Variants in PLEK observed in about 807,000 individuals in gnomAD.
PLEK encodes the protein pleckstrin, also known as platelet 47 kDa protein.
PLEK carries 25 observed loss-of-function variants against 43.9 expected under a neutral mutation model. The observed-to-expected ratio is 0.57, with a 90% CI of 0.41 to 0.79. The LOEUF (loss-of-function observed/expected upper bound fraction) is 0.79, where lower values mean the gene tolerates loss of function less well. PLEK is among the 30% of genes least tolerant of loss of function. The pLI is 0.00. For missense variants in PLEK, 396 were observed against 413.3 expected (o/e 0.96, Z 0.36); for synonymous variants, 152 against 144.4 (o/e 1.05, Z -0.38).
chr2:68,389,970 AT>A (rs1215895965), intron 6 of PLEK, among the ~76,000 whole-genome samples: 10 of 152,168 alleles, frequency 6.6e-5, no homozygotes, highest in Non-Finnish European at 1.3e-4. Flanking sequence ...GTTATCAGTT[AT>A]TTCTTGAATT....
At chr2:68,389,363 T>C (rs901628461) in intron 6 of PLEK, among the ~76,000 whole-genome samples, 1 of 152,234 alleles carries the variant, frequency 6.6e-6, no homozygotes, top group African/African-American at 2.4e-5. Context: ...CTGCTCAGTA[T>C]ATAATGGAGA....
intron 1 of PLEK, among the ~76,000 whole-genome samples, chr2:68,370,254 C>G (rs147728500): frequency 1.5e-4 from 23 of 152,194 alleles, no homozygotes; most frequent in East Asian, 3.9e-4. Flanking sequence ...AAAAGAGATG[C>G]CTTCACTTTG....
intron 1 of PLEK, among the ~76,000 whole-genome samples, chr2:68,367,829 G>T (rs1361447020): frequency 6.6e-6 from 1 of 152,142 alleles, no homozygotes; most frequent in Non-Finnish European, 1.5e-5. Context: ...TATGGTTTTT[G>T]ATATTAAAGC....
chr2:68,368,556 C>G (rs961413847), intron 1 of PLEK, among the ~76,000 whole-genome samples: 1 of 152,210 alleles, frequency 6.6e-6, no homozygotes, highest in Non-Finnish European at 1.5e-5. Context: ...GAGCAAGGCA[C>G]GAACAAATTG....
chr2:68,368,227 T>C (rs539365376), intron 1 of PLEK, among the ~76,000 whole-genome samples: 1 of 152,350 alleles, frequency 6.6e-6, no homozygotes, highest in South Asian at 2.1e-4. Context: ...GTAACACCCA[T>C]GTCTCTTTGC....
At chr2:68,382,849 T>TTAACATTTGTTCAAGC (rs1422929664) in intron 4 of PLEK, among the ~76,000 whole-genome samples, 1 of 152,208 alleles carries the variant, frequency 6.6e-6, no homozygotes, top group East Asian at 1.9e-4. Context: ...TTTGTTCAAG[T>TTAACATTTGTTCAAGC]TAACATTTGT....
intron 7 of PLEK, 28 bp from the exon 8 acceptor site, chr2:68,394,079 C>T (rs760644332): frequency 6.6e-7 from 1 of 1,511,574 alleles, no homozygotes; most frequent in Non-Finnish European, 9.2e-7. Context: ...ATTTTGGAAA[C>T]ATAATGAACA....
At chr2:68,395,581 A>G in intron 8 of PLEK, 99 bp from the exon 9 acceptor site, 1 of 1,292,878 alleles carries the variant, frequency 7.7e-7, no homozygotes, top group Non-Finnish European at 1.1e-6. Flanking sequence ...TTTCCTTAGA[A>G]CACGAAGAAA....
At chr2:68,377,255 T>G (rs1348494187) in intron 1 of PLEK, among the ~76,000 whole-genome samples, 1 of 152,216 alleles carries the variant, frequency 6.6e-6, no homozygotes, top group Non-Finnish European at 1.5e-5. Context: ...CTCATCCATA[T>G]ACCGATTTCC....
In PLEK at chr2:68,381,181, A is replaced by T. The variant is rs192150854; in HGVS notation, c.380+277A>T. 7.4e-4 allele frequency among the ~76,000 whole-genome samples: 112 copies of T among 152,354 alleles called. 3 individuals carry two copies. The highest frequency in any genetic ancestry group is 5.1e-3 in the Admixed American group (78 of 15,298). On this transcript the variant is annotated intron_variant, in intron 3 of 8. Transcript: ENST00000234313. ...AGAAAGAAACATCATCATTGCATTT[A>T]TAACATAGCCATAATAAGTCAGTCT...
chr2:68,389,991 G>A (rs186374485), intron 6 of PLEK, among the ~76,000 whole-genome samples: 1 of 152,104 alleles, frequency 6.6e-6, no homozygotes, highest in Admixed American at 6.5e-5. Context: ...TAGTTGATTG[G>A]GCAAACCCTA....
chr2:68,379,391 T>C (rs925822993), intron 1 of PLEK, among the ~76,000 whole-genome samples: 1 of 152,122 alleles, frequency 6.6e-6, no homozygotes, highest in East Asian at 1.9e-4. Flanking sequence ...CTCCCAAGAA[T>C]TGAAATGTTC....
At chr2:68,373,335 G>A (rs537655731) in intron 1 of PLEK, among the ~76,000 whole-genome samples, 1 of 152,164 alleles carries the variant, frequency 6.6e-6, no homozygotes, top group Non-Finnish European at 1.5e-5. Context: ...TGTGCATAAT[G>A]ACCCTGAATC....
At chr2:68,373,586 TA>T (rs60078267) in intron 1 of PLEK, among the ~76,000 whole-genome samples, 75,196 of 144,674 alleles carry the variant, frequency 0.52, 19,849 homozygotes, top group East Asian at 0.77. Flanking sequence ...ATAAAGAAAA[TA>T]AAAAAAAAAA....
intron 1 of PLEK, among the ~76,000 whole-genome samples, chr2:68,371,022 G>T (rs956914369): frequency 1.3e-5 from 2 of 152,190 alleles, no homozygotes; most frequent in African/African-American, 4.8e-5. Flanking sequence ...TTTCAAGCAA[G>T]CCCAAGGGTT....
chr2:68,384,715 T>G (rs1673701883), intron 4 of PLEK, among the ~76,000 whole-genome samples: 1 of 152,148 alleles, frequency 6.6e-6, no homozygotes, highest in African/African-American at 2.4e-5. Context: ...AACTTGTCTT[T>G]CAAGCTTCAG....
chr2:68,380,679 C>T (rs1673595346), intron 2 of PLEK, 44 bp from the exon 3 acceptor site: 1 of 1,591,376 alleles, frequency 6.3e-7, no homozygotes, highest in Non-Finnish European at 8.6e-7. Flanking sequence ...GGCCCCAAGC[C>T]CTTGAAATAA....
chr2:68,370,763 G>A (rs904837660), intron 1 of PLEK, among the ~76,000 whole-genome samples: 1 of 152,224 alleles, frequency 6.6e-6, no homozygotes, highest in Non-Finnish European at 1.5e-5. Context: ...TAGGATTACA[G>A]GTGTGAGTAC....
At chr2:68,372,308 G>A (rs1357305566) in intron 1 of PLEK, among the ~76,000 whole-genome samples, 2 of 151,786 alleles carry the variant, frequency 1.3e-5, no homozygotes, top group African/African-American at 4.8e-5. Flanking sequence ...CAAGTAGCTG[G>A]GACCGTAGGT....
Sources: allele counts gnomAD v4.1 joint callset (sites outside exome capture counted in the v4.1 genomes callset), GRCh38; gene constraint gnomAD v4.1.1; transcripts MANE v1.5; gene names NCBI Gene and HGNC (gene_info 2026-07-23, HGNC 2026-07-21).